CMIP: variants seen among roughly 807,000 people sequenced by gnomAD.
CMIP encodes the protein C-Maf-inducing protein.
A neutral mutation model predicts 97.3 loss-of-function variants in CMIP; 13 were observed. The observed-to-expected ratio is 0.13, with a 90% confidence interval of 0.09 to 0.21. The LOEUF (loss-of-function observed/expected upper bound fraction) is 0.21. CMIP is among the 10% of genes least tolerant of loss of function. The pLI, the probability that CMIP is intolerant of heterozygous loss-of-function variation, is 1.00. For missense variants in CMIP, 847 were observed against 1,024.9 expected (o/e 0.83, Z 2.37); for synonymous variants, 538 against 436.3 (o/e 1.23, Z -2.91).
chr16:81,476,380 C>G (rs754814382), intron 1 of CMIP: 19 of 1,213,538 alleles, frequency 1.6e-5, no homozygotes, highest in Non-Finnish European at 2.3e-5. Context: ...ACCCTTATAA[C>G]CAACTCCTTT....
chr16:81,447,060 G>T (rs924259593), intron 1 of CMIP, among the ~76,000 whole-genome samples: 1 of 152,200 alleles, frequency 6.6e-6, no homozygotes. Context: ...CGCGCCACAG[G>T]CCGCAGCATT....
intron 1 of CMIP, among the ~76,000 whole-genome samples, chr16:81,530,224 T>C (rs1431677324): frequency 6.6e-6 from 1 of 152,314 alleles, no homozygotes; most frequent in East Asian, 1.9e-4. Flanking sequence ...CCACGTCTTA[T>C]GAGGCTCCAG....
intron 1 of CMIP, among the ~76,000 whole-genome samples, chr16:81,576,007 C>T (rs2091182571): frequency 6.6e-6 from 1 of 152,188 alleles, no homozygotes; most frequent in African/African-American, 2.4e-5. Flanking sequence ...TAGGTATTAT[C>T]TCATCTAATT....
chr16:81,610,412 G>A, intron 2 of CMIP: 1 of 986,022 alleles, frequency 1.0e-6, no homozygotes, highest in East Asian at 1.1e-4. Flanking sequence ...GCAGGAGCAG[G>A]AGAGGAGGAA....
intron 1 of CMIP, among the ~76,000 whole-genome samples, chr16:81,597,477 G>A (rs1456199422): frequency 6.6e-6 from 1 of 151,628 alleles, no homozygotes; most frequent in Non-Finnish European, 1.5e-5. Context: ...TGCTCAGAGT[G>A]TTCATTTCTG....
intron 1 of CMIP, chr16:81,464,880 G>A (rs1173886203): frequency 6.6e-6 from 1 of 152,174 alleles, no homozygotes; most frequent in East Asian, 1.9e-4. Context: ...TTTAGCACAT[G>A]CCAGAATTTC....
At chr16:81,459,722 C>A (rs1306340089) in intron 1 of CMIP, among the ~76,000 whole-genome samples, 1 of 152,196 alleles carries the variant, frequency 6.6e-6, no homozygotes, top group African/African-American at 2.4e-5. Context: ...CAGGGGTGTG[C>A]TCTCTGGATT....
chr16:81,709,778 C>G lies in CMIP; in HGVS notation c.2301C>G (p.Val767=). Residue 767 remains valine (V), a synonymous_variant, in exon 21 of 21, where the codon GTC becomes GTG. Coordinates refer to ENST00000537098, the MANE Select transcript of CMIP (RefSeq NM_198390.3). ...TTCCCAATTTGAAGGAAGTGGACGT[C>G]CGCTACACCGAAGCCTGGTGAAGCT... is the stretch of plus-strand genomic sequence containing the variant. ...AKLPNLKEVD[V]RYTEAW is the part of the protein sequence containing the mutation. 2 of 1,613,956 alleles carry G rather than the reference C, an allele frequency of 1.2e-6. No homozygotes were observed. The highest frequency in any genetic ancestry group is 1.7e-6 in the Non-Finnish European group (2 of 1,179,858).
intron 1 of CMIP, among the ~76,000 whole-genome samples, chr16:81,567,598 A>C (rs1327876253): frequency 6.6e-6 from 1 of 152,212 alleles, no homozygotes; most frequent in Non-Finnish European, 1.5e-5. Context: ...AAGAGACCAC[A>C]TGGGAAGTGT....
In CMIP at chr16:81,662,285, T is replaced by G. The variant is rs78298809; in HGVS notation, c.744+1339T>G. On this transcript the variant is annotated intron_variant, in intron 6 of 20. Coordinates refer to ENST00000537098, the MANE Select transcript of CMIP (RefSeq NM_198390.3). The stretch of plus-strand genomic sequence containing the variant: ...AAGTCTGGTTCTAGAACACTGGATA[T>G]TTGTTGTAGAACAAGATACACTTGC... 2.4e-4 allele frequency among the ~76,000 whole-genome samples: 36 copies of G among 152,338 alleles called. No homozygotes were observed. In the East Asian group the frequency reaches 6.9e-3, roughly 29 times the overall value.
intron 9 of CMIP, among the ~76,000 whole-genome samples, chr16:81,677,476 A>G (rs751086846): frequency 3.9e-5 from 6 of 152,136 alleles, no homozygotes; most frequent in Non-Finnish European, 5.9e-5. Flanking sequence ...TGATGGTACT[A>G]CTGTCCCTTA....
intron 1 of CMIP, among the ~76,000 whole-genome samples, chr16:81,472,628 A>G (rs1219137903): frequency 6.6e-6 from 1 of 152,198 alleles, no homozygotes; most frequent in Admixed American, 6.5e-5. Context: ...GTGTCAGCCA[A>G]TCACCAGAGC....
chr16:81,661,394 G>C (rs780503225), intron 6 of CMIP, among the ~76,000 whole-genome samples: 1 of 152,256 alleles, frequency 6.6e-6, no homozygotes, highest in African/African-American at 2.4e-5. Context: ...GGCACCCGGC[G>C]CCAGCCTTGC....
intron 1 of CMIP, among the ~76,000 whole-genome samples, chr16:81,479,328 AC>A (rs1329517097): frequency 6.6e-6 from 1 of 152,010 alleles, no homozygotes; most frequent in Non-Finnish European, 1.5e-5. Flanking sequence ...TCAGCATGTG[AC>A]CTTTTTTTAA....
rs2091991987 is a variant in CMIP, at chr16:81,621,526, G to A, written c.477+600G>A. On this transcript the variant is annotated intron_variant, in intron 3 of 20. Coordinates refer to ENST00000537098, the MANE Select transcript of CMIP (RefSeq NM_198390.3). The surrounding 1 kb of genome is among the most constrained non-coding windows in gnomAD (Gnocchi z 4.1). ...AGCCTGAGTTGTGCCCCATGGCTCA[G>A]GCGATGGAAACCTTGACGTCAGGAC... 1 of 153,210 alleles carries A rather than the reference G, an allele frequency of 6.5e-6. No homozygotes were observed. Among genetic ancestry groups the A allele is most frequent in the Admixed American group, 6.5e-5 (1 of 15,374 alleles). 9.5% of individuals were successfully genotyped at this position (153,210 alleles called of 1,614,324 possible). A position where few individuals can be genotyped will look rare whatever the true frequency, so the allele number is the denominator to read the frequency against.
Position 81,654,119 on chromosome 16 carries a change from G to C in CMIP, c.639+1755G>C, listed in dbSNP as rs911853387. Among the ~76,000 whole-genome samples the C allele has an allele frequency of 2.0e-5, 3 of 152,330 alleles. No individual in the cohort carries two copies. In the East Asian group the frequency reaches 5.8e-4, roughly 29 times the overall value. On this transcript the variant is annotated intron_variant, in intron 4 of 20. Transcript: ENST00000537098. Reference sequence around the variant, plus strand: ...CACACCCTTATTAAATCAGGGCAGTGCTGAGGGCAGCAGACGTGCCCCATT... The same window carrying C: ...CACACCCTTATTAAATCAGGGCAGTCCTGAGGGCAGCAGACGTGCCCCATT...
intron 3 of CMIP, among the ~76,000 whole-genome samples, chr16:81,638,034 C>G (rs766245721): frequency 1.3e-5 from 2 of 152,174 alleles, no homozygotes; most frequent in African/African-American, 4.8e-5. Context: ...AACACCCCCC[C>G]CACTGGGGAT....
chr16:81,451,328 T>C (rs1906202138), intron 1 of CMIP, among the ~76,000 whole-genome samples: 1 of 152,224 alleles, frequency 6.6e-6, no homozygotes, highest in Non-Finnish European at 1.5e-5. Context: ...TGCCACCATG[T>C]AAGACGTGCC....
rs59981484 is a variant in CMIP at position 81,488,975 on chromosome 16, A to ATT, written c.300+43443_300+43444dup. Among the ~76,000 whole-genome samples, 392 of 148,612 alleles carry ATT rather than the reference A, an allele frequency of 2.6e-3. 4 individuals carry two copies. The highest frequency in any genetic ancestry group is 9.3e-3 in the African/African-American group (376 of 40,642). ...TCATTCATGCTTCATTCTTTCATTC[A>ATT]TTTTTTTTTTCATTCAGTCTCTTCC... On this transcript the variant is annotated intron_variant, in intron 1 of 20. Transcript: ENST00000537098.
Sources: gnomAD v4.1 joint callset for allele counts (sites outside exome capture counted in the v4.1 genomes callset) on GRCh38, gnomAD v4.1.1 for gene constraint, Gnocchi (gnomAD v3.1) non-coding constraint, MANE v1.5 for transcripts, NCBI Gene and HGNC (gene_info 2026-07-23, HGNC 2026-07-21) for gene names.